Variants in SGMS1 observed in about 807,000 individuals in gnomAD.
The protein encoded by SGMS1 is sphingomyelin synthase 1.
In SGMS1, 13 loss-of-function variants were observed where a neutral mutation model predicts 46.2. That is an observed-to-expected ratio of 0.28 (90% CI 0.18 to 0.45). The LOEUF (loss-of-function observed/expected upper bound fraction) is 0.45, where lower values mean the gene tolerates loss of function less well. Ranked by LOEUF, SGMS1 falls within the 20% of genes least tolerant of loss-of-function variation. The pLI is 1.00. For synonymous variants in SGMS1, 203 were observed against 187.8 expected (o/e 1.08, Z -0.66); for missense variants, 324 against 519.9 (o/e 0.62, Z 3.66).
At chr10:50,495,270 A>G (rs1837605419) in intron 3 of SGMS1, among the ~76,000 whole-genome samples, 1 of 145,182 alleles carries the variant, frequency 6.9e-6, no homozygotes, top group Admixed American at 7.0e-5. Flanking sequence ...AAGAAAAAAA[A>G]AAAAGGATGT....
At chr10:50,437,570 C>A (rs1374286121) in intron 5 of SGMS1, among the ~76,000 whole-genome samples, 1 of 152,080 alleles carries the variant, frequency 6.6e-6, no homozygotes, top group African/African-American at 2.4e-5. Context: ...AGACACAGGC[C>A]AGGAGCAGGC....
At chr10:50,577,438 AAAC>A (rs954009993) in intron 2 of SGMS1, among the ~76,000 whole-genome samples, 3 of 152,160 alleles carry the variant, frequency 2.0e-5, no homozygotes, top group Non-Finnish European at 4.4e-5. Flanking sequence ...GTAGCTAATT[AAAC>A]AACAACAACA....
intron 3 of SGMS1, among the ~76,000 whole-genome samples, chr10:50,497,113 T>A (rs557184676): frequency 6.6e-6 from 1 of 152,338 alleles, no homozygotes. Context: ...GAAGGCTCGA[T>A]GCAAACCTCT....
chr10:50,544,104 T>C (rs1055803233), intron 2 of SGMS1, among the ~76,000 whole-genome samples: 9 of 152,236 alleles, frequency 5.9e-5, no homozygotes. Flanking sequence ...TTCTCACACA[T>C]GCTGACATAG....
intron 5 of SGMS1, among the ~76,000 whole-genome samples, chr10:50,459,586 T>C (rs1340535824): frequency 9.2e-5 from 14 of 152,182 alleles, no homozygotes; most frequent in Admixed American, 8.5e-4. Flanking sequence ...GTATTTTTAG[T>C]AGAGAGGGGG....
chr10:50,327,749 T>C (rs796648207), intron 7 of SGMS1, among the ~76,000 whole-genome samples: 26 of 152,336 alleles, frequency 1.7e-4, no homozygotes, highest in African/African-American at 5.5e-4. Flanking sequence ...TTTAAAACTT[T>C]TATGCCATTT....
At chr10:50,523,022 T>C (rs1049012231) in intron 2 of SGMS1, among the ~76,000 whole-genome samples, 1 of 152,172 alleles carries the variant, frequency 6.6e-6, no homozygotes, top group African/African-American at 2.4e-5. Flanking sequence ...TTCACCTCCC[T>C]ATATCACAGC....
At chr10:50,559,332 A>AC (rs927675178) in intron 2 of SGMS1, among the ~76,000 whole-genome samples, 1 of 152,176 alleles carries the variant, frequency 6.6e-6, no homozygotes, top group Admixed American at 6.5e-5. Flanking sequence ...CCAGAGGCGT[A>AC]CCCTACACTG....
chr10:50,406,515 A>T (rs1849017279), intron 6 of SGMS1, among the ~76,000 whole-genome samples: 1 of 152,094 alleles, frequency 6.6e-6, no homozygotes, highest in Non-Finnish European at 1.5e-5. Context: ...TGAATCAAGG[A>T]CGTGTCCTCT....
intron 3 of SGMS1, among the ~76,000 whole-genome samples, chr10:50,514,481 T>C (rs559297154): frequency 1.3e-5 from 2 of 152,308 alleles, no homozygotes; most frequent in South Asian, 2.1e-4. Flanking sequence ...TATGATTACA[T>C]AGGGCCCACC....
In SGMS1 at chr10:50,307,142, T is replaced by G. The variant is rs774748144; in HGVS notation, c.1242A>C (p.Ter414TyrextTer25). The G allele has an allele frequency of 1.2e-6, 2 of 1,613,810 alleles. No individual in the cohort carries two copies. The highest frequency in any genetic ancestry group is 4.5e-5 in the East Asian group (2 of 44,884). Residue 414 changes from the stop codon to tyrosine, a stop_lost, in exon 11 of 11, where the codon TAA becomes TAC. Transcript: ENST00000361781. The surrounding 1 kb of genome is among the most constrained non-coding windows in gnomAD (Gnocchi z 4.2). ...GTCTTTTCCCCACTTTGTACAGCTG[T>G]TATGTGTCATTCACCAGCCGGCTGT... ...VKYSRLVNDT[*>Y]
intron 6 of SGMS1, among the ~76,000 whole-genome samples, chr10:50,429,882 T>C (rs58383805): frequency 0.079 from 11,994 of 152,124 alleles, 1,157 homozygotes; most frequent in East Asian, 0.38. Context: ...TTAAGAACAA[T>C]TGAAGCTATT....
chr10:50,555,896 C>T (rs1282616161), intron 2 of SGMS1, among the ~76,000 whole-genome samples: 1 of 152,216 alleles, frequency 6.6e-6, no homozygotes, highest in Non-Finnish European at 1.5e-5. Flanking sequence ...ACACAATTTG[C>T]TTTGTAAAAG....
At chr10:50,491,036 T>C (rs190474562) in intron 3 of SGMS1, among the ~76,000 whole-genome samples, 233 of 152,200 alleles carry the variant, frequency 1.5e-3, no homozygotes, top group Non-Finnish European at 3.0e-3. Flanking sequence ...ATCTGTAAAC[T>C]GCTATTTAAA....
At chr10:50,353,478 TATC>T (rs1848063312) in intron 6 of SGMS1, among the ~76,000 whole-genome samples, 1 of 152,300 alleles carries the variant, frequency 6.6e-6, no homozygotes, top group Admixed American at 6.5e-5. Flanking sequence ...CCACAGCTAA[TATC>T]ATAATGAATG....
intron 7 of SGMS1, among the ~76,000 whole-genome samples, chr10:50,341,021 C>G (rs1220220078): frequency 6.6e-6 from 1 of 152,098 alleles, no homozygotes; most frequent in Non-Finnish European, 1.5e-5. Context: ...GGCACACCTC[C>G]TAGTGGAGAT....
chr10:50,615,880 T>C (rs774383370), intron 1 of SGMS1, among the ~76,000 whole-genome samples: 1 of 152,180 alleles, frequency 6.6e-6, no homozygotes, highest in Admixed American at 6.5e-5. Flanking sequence ...ATCTGTCACA[T>C]AGAGTTCTCT....
intron 2 of SGMS1, among the ~76,000 whole-genome samples, chr10:50,526,349 A>T (rs1196062429): frequency 6.6e-6 from 1 of 152,172 alleles, no homozygotes; most frequent in Non-Finnish European, 1.5e-5. Flanking sequence ...TCATGAGAAC[A>T]GCATGGGGGA....
intron 5 of SGMS1, among the ~76,000 whole-genome samples, chr10:50,445,951 T>G (rs66546375): frequency 0.085 from 12,905 of 152,116 alleles, 1,323 homozygotes; most frequent in East Asian, 0.38. Context: ...ATGGCTGCTT[T>G]GGGAATGTCT....
Sources: allele counts gnomAD v4.1 joint callset (sites outside exome capture counted in the v4.1 genomes callset), GRCh38; gene constraint gnomAD v4.1.1; non-coding constraint Gnocchi (gnomAD v3.1); transcripts MANE v1.5; gene names NCBI Gene and HGNC (gene_info 2026-07-23, HGNC 2026-07-21).